SHCBP1: variants seen among roughly 807,000 people sequenced by gnomAD.
SHCBP1 encodes the protein SHC SH2 domain-binding protein 1.
SHCBP1 carries 60 observed loss-of-function variants against 75.1 expected under a neutral mutation model. That is an observed-to-expected ratio of 0.80 (90% CI 0.65 to 0.99). SHCBP1 has a LOEUF of 0.99. SHCBP1 is among the 50% of genes least tolerant of loss of function. The pLI is 0.00. For missense variants in SHCBP1, 709 were observed against 809.4 expected (o/e 0.88, Z 1.50); for synonymous variants, 290 against 293.2 (o/e 0.99, Z 0.11).
chr16:46,609,365 T>C (rs1965371406), intron 4 of SHCBP1, among the ~76,000 whole-genome samples: 1 of 148,336 alleles, frequency 6.7e-6, no homozygotes, highest in Non-Finnish European at 1.5e-5. Context: ...ATTAGTTCCC[T>C]CTCCCAGACC....
At chr16:46,611,566 G>A (rs980082227) in intron 4 of SHCBP1, among the ~76,000 whole-genome samples, 8 of 152,176 alleles carry the variant, frequency 5.3e-5, no homozygotes, top group Non-Finnish European at 1.0e-4. Context: ...TGTATATATA[G>A]TTCACATTTA....
chr16:46,614,191 T>C (rs1291766316), intron 4 of SHCBP1, among the ~76,000 whole-genome samples: 1 of 152,198 alleles, frequency 6.6e-6, no homozygotes, highest in African/African-American at 2.4e-5. Flanking sequence ...TAAATGTTCT[T>C]GCATACAATT....
chr16:46,605,229 G>A (rs1965307723), intron 5 of SHCBP1, among the ~76,000 whole-genome samples: 1 of 152,146 alleles, frequency 6.6e-6, no homozygotes, highest in South Asian at 2.1e-4. Context: ...AGTATTTCTA[G>A]ATGCAATAAA....
intron 9 of SHCBP1, among the ~76,000 whole-genome samples, chr16:46,599,126 C>T (rs1019029469): frequency 6.6e-6 from 1 of 152,190 alleles, no homozygotes; most frequent in East Asian, 1.9e-4. Context: ...ACTTTCTTAT[C>T]ATTCATGTGT....
At chr16:46,617,571 T>C in intron 3 of SHCBP1, 63 bp downstream of exon 3, 1 of 1,255,812 alleles carries the variant, frequency 8.0e-7, no homozygotes, top group Middle Eastern at 2.0e-4. Context: ...ACTTTGGATA[T>C]AACAGTCTGA....
At position 46,617,494 on chromosome 16, in the gene SHCBP1, A is replaced by G. The variant is rs1168700607; in HGVS notation, c.387+140T>C. ...TTAAAATTTGCAGAACACTTCCTAC[A>G]ACATGGCAATTAGATGTGAAAAACA... On this transcript the variant is annotated intron_variant, in intron 3 of 12. Transcript: ENST00000303383. 7 of 474,170 alleles carry G rather than the reference A, an allele frequency of 1.5e-5. No homozygotes were observed. The East Asian group carries it at 2.5e-4, about 17-fold the overall frequency. The allele number at this position is 474,170 out of a possible 1,614,324, so 29.4% of individuals were successfully genotyped here. A position where few individuals can be genotyped will look rare whatever the true frequency, so the allele number is the denominator to read the frequency against.
rs896487048 is a variant in SHCBP1, at chr16:46,617,619, C to G, written c.387+15G>C. On this transcript the variant is annotated intron_variant, in intron 3 of 12. Transcript: ENST00000303383. ...AAAGCTAGAGACAAAGGTCTAATAA[C>G]AAAATTAACCTTACCTCAACCAGCA... 5.6e-6 allele frequency: 9 copies of G among 1,607,282 alleles called. No individual in the cohort carries two copies. Among genetic ancestry groups the G allele is most frequent in the African/African-American group, 1.3e-5 (1 of 74,848 alleles).
At chr16:46,583,852 A>C in intron 11 of SHCBP1, 151 bp downstream of exon 11, 1 of 900,960 alleles carries the variant, frequency 1.1e-6, no homozygotes, top group Admixed American at 2.7e-5. Context: ...CAGCATTCTC[A>C]CAAGAGATTC....
rs756162190 is a variant in SHCBP1 at position 46,595,557 on chromosome 16, C to T, written c.1459G>A (p.Ala487Thr). The T allele has an allele frequency of 5.0e-6, 8 of 1,612,658 alleles. No individual in the cohort carries two copies. The highest frequency in any genetic ancestry group is 2.7e-5 in the African/African-American group (2 of 74,854). Residue 487 changes from alanine to threonine, a missense_variant, in exon 10 of 13, where the codon GCC becomes ACC. Coordinates refer to ENST00000303383, the MANE Select transcript of SHCBP1 (RefSeq NM_024745.5). ...FLMKNSDLYG[A>T]KGAGIEIYPG... The stretch of plus-strand genomic sequence containing the variant: ...AAGAGGACAAGAGCTTCTACCTTGG[C>T]GCCATATAAATCCGAGTTCTTCATT...
At chr16:46,602,097 A>G (rs530622676) in intron 8 of SHCBP1, among the ~76,000 whole-genome samples, 23 of 152,298 alleles carry the variant, frequency 1.5e-4, no homozygotes, top group African/African-American at 4.8e-4. Flanking sequence ...AGCATTCTAT[A>G]TGTCCATTTA....
chr16:46,612,706 C>T (rs2143001704), intron 4 of SHCBP1, among the ~76,000 whole-genome samples: 1 of 152,314 alleles, frequency 6.6e-6, no homozygotes, highest in Middle Eastern at 3.4e-3. Context: ...GAAGTGCCTT[C>T]CACCTTTTCC....
chr16:46,596,710 G>A (rs1015909439), intron 9 of SHCBP1, among the ~76,000 whole-genome samples: 6 of 150,890 alleles, frequency 4.0e-5, no homozygotes, highest in Non-Finnish European at 7.4e-5. Flanking sequence ...AAGCCACTGC[G>A]CCCAGCCTAA....
intron 9 of SHCBP1, 73 bp downstream of exon 9, chr16:46,599,758 C>A: frequency 1.7e-6 from 2 of 1,179,824 alleles, no homozygotes; most frequent in Non-Finnish European, 2.2e-6. Flanking sequence ...TCATTAAATT[C>A]TATCTTCCAT....
chr16:46,589,349 A>C (rs888197010), intron 10 of SHCBP1, among the ~76,000 whole-genome samples: 2 of 152,288 alleles, frequency 1.3e-5, no homozygotes, highest in South Asian at 2.1e-4. Flanking sequence ...GAAAGAAATA[A>C]AGGGTATTGA....
intron 8 of SHCBP1, among the ~76,000 whole-genome samples, chr16:46,601,775 A>C (rs1965240827): frequency 6.6e-6 from 1 of 152,238 alleles, no homozygotes; most frequent in African/African-American, 2.4e-5. Flanking sequence ...TTGCATATTG[A>C]GAAAAGATTT....
rs535771209 is a variant in SHCBP1, at chr16:46,599,521, C to G, written c.1345+310G>C. ...CACCCCAAAACAATTACAGTAGTAA[C>G]ATCAAGATCACTGTTCACAGATCAG... On this transcript the variant is annotated intron_variant, in intron 9 of 12. Transcript: ENST00000303383. 2.6e-5 allele frequency among the ~76,000 whole-genome samples: 4 copies of G among 152,054 alleles called. No individual in the cohort carries two copies. The South Asian group carries it at 8.3e-4, about 32-fold the overall frequency.
chr16:46,595,757 G>C, intron 9 of SHCBP1, 87 bp from the exon 10 acceptor site: 1 of 827,352 alleles, frequency 1.2e-6, no homozygotes, highest in Non-Finnish European at 1.9e-6. Context: ...ATTAGCTATG[G>C]TCTAAATATT....
At chr16:46,599,234 G>A (rs1965190337) in intron 9 of SHCBP1, among the ~76,000 whole-genome samples, 1 of 152,102 alleles carries the variant, frequency 6.6e-6, no homozygotes, top group East Asian at 1.9e-4. Context: ...GCCTATCTCA[G>A]CTTTCGACAT....
intron 10 of SHCBP1, among the ~76,000 whole-genome samples, chr16:46,593,116 A>G (rs1965077411): frequency 6.6e-6 from 1 of 151,770 alleles, no homozygotes; most frequent in Admixed American, 6.6e-5. Context: ...AATTCTAGCC[A>G]GTGCAATAAG....
Sources: allele counts gnomAD v4.1 joint callset (sites outside exome capture counted in the v4.1 genomes callset), GRCh38; gene constraint gnomAD v4.1.1; transcripts MANE v1.5; gene names NCBI Gene and HGNC (gene_info 2026-07-23, HGNC 2026-07-21).